The following CSNK1A1 variants were observed in gnomAD, a reference collection of about 807,000 sequenced individuals.
CSNK1A1 encodes the protein casein kinase 1 alpha 1.
Under a neutral mutation model 46.1 loss-of-function variants are expected in CSNK1A1, and 7 were observed. The ratio of observed to expected loss-of-function variants is 0.15; its 90% CI spans 0.09 to 0.29. The LOEUF is 0.29. Ranked by LOEUF, CSNK1A1 falls within the 10% of genes least tolerant of loss-of-function variation. The probability of loss-of-function intolerance (pLI) is 1.00; values close to 1 mark genes in which losing one functional copy is unlikely to be tolerated. For missense variants in CSNK1A1, 96 were observed against 417.1 expected (o/e 0.23, Z 6.71); for synonymous variants, 137 against 141.5 (o/e 0.97, Z 0.23).
rs564108890 is a variant in CSNK1A1, at chr5:149,509,111, G to A, written c.750+768C>T. Among the ~76,000 whole-genome samples, 23 of 152,030 alleles carry A rather than the reference G, an allele frequency of 1.5e-4. No individual in the cohort carries two copies. In the South Asian group the frequency reaches 4.0e-3, roughly 26 times the overall value. On this transcript the variant is annotated intron_variant, in intron 7 of 9. Transcript: ENST00000377843. Reference sequence around the variant, plus strand: ...GGCTAATTTTTGCATTTTTTGTAGCGATGGGGTTTCACCATGTTGCCTAGA... The same window carrying A: ...GGCTAATTTTTGCATTTTTTGTAGCAATGGGGTTTCACCATGTTGCCTAGA...
intron 7 of CSNK1A1, among the ~76,000 whole-genome samples, chr5:149,508,258 T>G (rs1346570430): frequency 1.3e-5 from 2 of 152,218 alleles, no homozygotes; most frequent in African/African-American, 4.8e-5. Context: ...GGGTGACCAC[T>G]TGAAACATAT....
intron 4 of CSNK1A1, among the ~76,000 whole-genome samples, chr5:149,515,312 T>C (rs10515629): frequency 0.24 from 36,338 of 152,136 alleles, 5,035 homozygotes; most frequent in Admixed American, 0.4. Context: ...CATGTCTAAA[T>C]CTACATTCAA....
intron 2 of CSNK1A1, among the ~76,000 whole-genome samples, chr5:149,526,776 A>G (rs1252841413): frequency 6.6e-6 from 1 of 151,762 alleles, no homozygotes; most frequent in Non-Finnish European, 1.5e-5. Flanking sequence ...AGCACCTGAG[A>G]AAGGGGGGGG....
chr5:149,510,887 TAA>T (rs1761198295), intron 6 of CSNK1A1, among the ~76,000 whole-genome samples: 1 of 152,210 alleles, frequency 6.6e-6, no homozygotes, highest in Non-Finnish European at 1.5e-5. Context: ...GTTAACTGTA[TAA>T]GTCACAATAT....
At chr5:149,520,532 C>T in intron 3 of CSNK1A1, 144 bp from the exon 4 acceptor site, 1 of 576,514 alleles carries the variant, frequency 1.7e-6, no homozygotes, top group Non-Finnish European at 3.1e-6. Flanking sequence ...ACTAAGTTCT[C>T]CATTTATTTC....
chr5:149,501,605 T>C, intron 9 of CSNK1A1: 2 of 985,286 alleles, frequency 2.0e-6, no homozygotes, highest in Non-Finnish European at 2.4e-6. Flanking sequence ...ATTATTATGA[T>C]AAAACTCTGC....
rs941485179 is a variant in CSNK1A1 at position 149,495,992 on chromosome 5, A to G, written c.*861T>C. 1.3e-5 allele frequency: 2 copies of G among 152,554 alleles called. No individual in the cohort carries two copies. The highest frequency in any genetic ancestry group is 1.5e-5 in the Non-Finnish European group (1 of 68,020). 9.5% of individuals were successfully genotyped at this position (152,554 alleles called of 1,614,324 possible). ...AAAAAAATCTCATTTCCTTACAGAA[A>G]CAGTTTTTAGTTTTTAATGAACTTG... On this transcript the variant is annotated 3_prime_UTR_variant, in exon 10 of 10. Coordinates refer to ENST00000377843, the MANE Select transcript of CSNK1A1 (RefSeq NM_001892.6).
At chr5:149,502,016 G>A in intron 9 of CSNK1A1, 1 of 969,814 alleles carries the variant, frequency 1.0e-6, no homozygotes, top group Non-Finnish European at 1.2e-6. Flanking sequence ...GATGGATATT[G>A]GAATGGAGTA....
chr5:149,496,898 C>A (rs771153653), intron 9 of CSNK1A1, 38 bp from the exon 10 acceptor site: 3 of 1,530,764 alleles, frequency 2.0e-6, no homozygotes, highest in Non-Finnish European at 8.7e-7. Flanking sequence ...GTTAAAATTC[C>A]AAGTCAAAAA....
chr5:149,549,125 CA>C (rs915087813), intron 2 of CSNK1A1, among the ~76,000 whole-genome samples: 1 of 152,158 alleles, frequency 6.6e-6, no homozygotes, highest in African/African-American at 2.4e-5. Flanking sequence ...ACAAAGGCCC[CA>C]ATTTCTCTGA....
rs1341625036 is a variant in CSNK1A1, at chr5:149,525,288, C to T, written c.231-117G>A. The T allele has an allele frequency of 1.9e-6, 2 of 1,069,144 alleles. No individual in the cohort carries two copies. The highest frequency in any genetic ancestry group is 3.3e-5 in the African/African-American group (2 of 61,336). 66.2% of individuals were successfully genotyped at this position (1,069,144 alleles called of 1,614,324 possible). On this transcript the variant is annotated intron_variant, in intron 2 of 9. Coordinates refer to ENST00000377843, the MANE Select transcript of CSNK1A1 (RefSeq NM_001892.6). The surrounding 1 kb of genome is among the most constrained non-coding windows in gnomAD (Gnocchi z 4.2). ...TAGGTATTATATAAGGCGAATGTTCCCCTACTCAGAAGACAAACCCACTAA... is the reference window on the plus strand; with the variant it reads ...TAGGTATTATATAAGGCGAATGTTCTCCTACTCAGAAGACAAACCCACTAA...
At chr5:149,509,979 G>A in intron 6 of CSNK1A1, 26 bp from the exon 7 acceptor site, 1 of 1,497,730 alleles carries the variant, frequency 6.7e-7, no homozygotes, top group Non-Finnish European at 9.2e-7. Flanking sequence ...AAATAAAAAA[G>A]ATATACTCAG....
chr5:149,531,882 CCTT>C (rs1324006816), intron 2 of CSNK1A1, among the ~76,000 whole-genome samples: 8 of 151,470 alleles, frequency 5.3e-5, no homozygotes, highest in Admixed American at 4.6e-4. Context: ...TACATACTCT[CCTT>C]ATTATTATTA....
chr5:149,525,181 C>T lies in CSNK1A1; in HGVS notation c.231-10G>A, dbSNP rs1356333083. On this transcript the variant is annotated splice_polypyrimidine_tract_variant and intron_variant, in intron 2 of 9. Coordinates refer to ENST00000377843, the MANE Select transcript of CSNK1A1 (RefSeq NM_001892.6). This position sits in a 1 kb window ranked among gnomAD's most constrained non-coding sequence, Gnocchi z 4.2. ...TTCCTGACCATACCACCTAACGAAA[C>T]AAAAGGAGAAGAGAGGATATTACAA... The T allele has an allele frequency of 1.3e-6, 2 of 1,592,560 alleles. No individual in the cohort carries two copies.
chr5:149,517,733 C>T lies in CSNK1A1; in HGVS notation c.456+2557G>A. ...CAAAACAAAAATCATCAAAATAAAACAATAAAAAAGAAAAGCACATGAATT... is the reference window on the plus strand; with the variant it reads ...CAAAACAAAAATCATCAAAATAAAATAATAAAAAAGAAAAGCACATGAATT... On this transcript the variant is annotated intron_variant, in intron 4 of 9. Coordinates refer to ENST00000377843, the MANE Select transcript of CSNK1A1 (RefSeq NM_001892.6). This position sits in a 1 kb window ranked among gnomAD's most constrained non-coding sequence, Gnocchi z 4.4. 5 of 1,072,298 alleles carry T rather than the reference C, an allele frequency of 4.7e-6. No individual in the cohort carries two copies. The highest frequency in any genetic ancestry group is 6.9e-6 in the Non-Finnish European group (5 of 721,652). The allele number at this position is 1,072,298 out of a possible 1,614,324, so 66.4% of individuals were successfully genotyped here. A position where few individuals can be genotyped will look rare whatever the true frequency, so the allele number is the denominator to read the frequency against.
rs1018744607 is a variant in CSNK1A1 at position 149,501,360 on chromosome 5, A to G, written c.1006+4087T>C. ...AGTGTATTCAGAGCAGTGTGTTCAG[A>G]CTGTCCAGGTATTTCAAAATCTTCC... On this transcript the variant is annotated intron_variant, in intron 9 of 9. Coordinates refer to ENST00000377843, the MANE Select transcript of CSNK1A1 (RefSeq NM_001892.6). The G allele has an allele frequency of 6.1e-6, 6 of 985,284 alleles. No individual in the cohort carries two copies. The African/African-American group carries it at 1.0e-4, about 17-fold the overall frequency. 61.0% of individuals were successfully genotyped at this position (985,284 alleles called of 1,614,324 possible). A position where few individuals can be genotyped will look rare whatever the true frequency, so the allele number is the denominator to read the frequency against.
chr5:149,512,773 T>C (rs1269880718), intron 5 of CSNK1A1, among the ~76,000 whole-genome samples: 1 of 152,216 alleles, frequency 6.6e-6, no homozygotes, highest in Non-Finnish European at 1.5e-5. Flanking sequence ...TCTAAAAATA[T>C]ATGTACTATC....
In CSNK1A1 at chr5:149,551,226, C is replaced by T; in HGVS notation, c.-262G>A. 3.0e-6 allele frequency: 1 copy of T among 338,030 alleles called. No individual in the cohort carries two copies. Among genetic ancestry groups the T allele is most frequent in the South Asian group, 4.5e-5 (1 of 22,382 alleles). 20.9% of individuals were successfully genotyped at this position (338,030 alleles called of 1,614,324 possible). A position where few individuals can be genotyped will look rare whatever the true frequency, so the allele number is the denominator to read the frequency against. ...GGCTGGGCCACTTGTTTCTCGGCGG[C>T]CGCCGCTGCCTCGCTTGCGCGGCGA... On this transcript the variant is annotated 5_prime_UTR_variant, in exon 1 of 10. Transcript: ENST00000377843.
chr5:149,520,479 A>G (rs1291410948), intron 3 of CSNK1A1, 91 bp from the exon 4 acceptor site: 3 of 717,326 alleles, frequency 4.2e-6, no homozygotes, highest in Non-Finnish European at 7.1e-6. Context: ...AATTATTTAG[A>G]GTTCACAAAG....
Sources: gnomAD v4.1 joint callset for allele counts (sites outside exome capture counted in the v4.1 genomes callset) on GRCh38, gnomAD v4.1.1 for gene constraint, Gnocchi (gnomAD v3.1) non-coding constraint, MANE v1.5 for transcripts, NCBI Gene and HGNC (gene_info 2026-07-23, HGNC 2026-07-21) for gene names.